The following SP7 variants were observed in gnomAD, a reference collection of about 807,000 sequenced individuals.
SP7 encodes Sp7 transcription factor, also known as transcription factor Sp7.
Under a neutral mutation model 27.9 loss-of-function variants are expected in SP7, and 13 were observed. The ratio of observed to expected loss-of-function variants is 0.47; its 90% CI spans 0.30 to 0.74. SP7 has a LOEUF of 0.74. Ranked by LOEUF, SP7 falls within the 30% of genes least tolerant of loss-of-function variation. SP7 has a pLI of 0.06. For synonymous variants in SP7, 219 were observed against 226.7 expected (o/e 0.97, Z 0.31); for missense variants, 525 against 558.0 (o/e 0.94, Z 0.60).
chr12:53,343,684 A>C (rs531430689), intron 1 of SP7, among the ~76,000 whole-genome samples: 18 of 152,284 alleles, frequency 1.2e-4, no homozygotes, highest in African/African-American at 3.6e-4. Context: ...AATCGGAGGC[A>C]AGGAAACAAT....
At chr12:53,333,421 A>G (rs1239766947) in intron 2 of SP7, among the ~76,000 whole-genome samples, 4 of 152,064 alleles carry the variant, frequency 2.6e-5, no homozygotes, top group East Asian at 1.9e-4. Context: ...GAGCTGTCCC[A>G]ACTCTCCCAC....
At chr12:53,342,100 T>G (rs1028051925) in intron 1 of SP7, among the ~76,000 whole-genome samples, 1 of 148,970 alleles carries the variant, frequency 6.7e-6, no homozygotes, top group Non-Finnish European at 1.5e-5. Flanking sequence ...CTGTCTCTAC[T>G]AAAAATACAA....
At chr12:53,335,563 T>G in intron 2 of SP7, 63 bp downstream of exon 2, 1 of 834,268 alleles carries the variant, frequency 1.2e-6, no homozygotes, top group Non-Finnish European at 2.0e-6. Flanking sequence ...AGGAGGTGGG[T>G]GGGCAAGGAC....
rs7139272 is a variant in SP7, at chr12:53,328,344, G to A, written c.1098C>T (p.Ser366=). ...TGCGCTGGTGTTTGCTCAGGTGGTC[G>A]CTTCGGGTAAAGCGCTTGGAGCAGA... ...CLLCSKRFTR[S]DHLSKHQRTH... Residue 366 remains serine, a synonymous_variant, in exon 3 of 3, where the codon AGC becomes AGT. Transcript: ENST00000536324. The surrounding 1 kb of genome is among the most constrained non-coding windows in gnomAD (Gnocchi z 5.1). 1,563,455 of 1,612,252 alleles carry A rather than the reference G, an allele frequency of 0.97. 760,994 individuals are homozygous for A. The highest frequency in any genetic ancestry group is 0.99 in the Non-Finnish European group (1,161,657 of 1,178,638).
upstream of SP7, among the ~76,000 whole-genome samples, chr12:53,336,664 G>A (rs1944775268): frequency 6.6e-6 from 1 of 152,100 alleles, no homozygotes; most frequent in South Asian, 2.1e-4. Context: ...AGCTGACCAT[G>A]GAGAGGCTTG....
chr12:53,344,402 C>T lies in SP7; in HGVS notation c.-34+712G>A, dbSNP rs564737437. 3.3e-5 allele frequency among the ~76,000 whole-genome samples: 5 copies of T among 152,236 alleles called. No homozygotes were observed. In the East Asian group the frequency reaches 9.6e-4, roughly 29 times the overall value. On this transcript the variant is annotated intron_variant, in intron 1 of 1. Transcript: ENST00000547755. This position sits in a 1 kb window ranked among gnomAD's most constrained non-coding sequence, Gnocchi z 4.6. ...TTCACCCATTTCTCCCTCTCCCCAC[C>T]TTCCATCACCTCCCCTACATAGGAA...
At chr12:53,338,253 G>A (rs1466146279), upstream of SP7, among the ~76,000 whole-genome samples, 1 of 152,192 alleles carries the variant, frequency 6.6e-6, no homozygotes, top group African/African-American at 2.4e-5. Flanking sequence ...GCCCGTGGTG[G>A]GGTGTCCCTG....
In SP7 at chr12:53,329,344, A is replaced by T. The variant is rs770292343; in HGVS notation, c.98T>A (p.Leu33Gln). The T allele has an allele frequency of 2.5e-6, 4 of 1,613,892 alleles. No homozygotes were observed. The South Asian group carries it at 3.3e-5, about 13-fold the overall frequency. ...ACSKFGGSSP[L>Q]RDSTTLGKAG... ...TTTGCCCAGAGTTGTTGAGTCCCGC[A>T]GAGGGCTAGAGCCACCAAATTTGCT... The change falls in exon 3 of 3, where the codon CTG (leucine) becomes CAG (glutamine). Residue 33 changes from leucine (L) to glutamine (Q), a missense_variant. Leu to Gln is a moderately radical substitution (Grantham distance 113, BLOSUM62 -2). Coordinates refer to ENST00000536324, the MANE Select transcript of SP7 (RefSeq NM_001173467.3).
At chr12:53,334,787 A>C (rs906443936) in intron 2 of SP7, among the ~76,000 whole-genome samples, 3 of 152,078 alleles carry the variant, frequency 2.0e-5, no homozygotes, top group Non-Finnish European at 4.4e-5. Context: ...AGAGTCAGAA[A>C]TTTCTCAAGA....
chr12:53,331,443 C>T (rs1420617100), intron 2 of SP7, among the ~76,000 whole-genome samples: 1 of 135,940 alleles, frequency 7.4e-6, no homozygotes, highest in Non-Finnish European at 1.5e-5. Flanking sequence ...TGCACTCCAG[C>T]CTAGGCTACA....
upstream of SP7, among the ~76,000 whole-genome samples, chr12:53,339,561 C>T (rs1944803960): frequency 6.6e-6 from 1 of 151,960 alleles, no homozygotes; most frequent in East Asian, 1.9e-4. Context: ...CCCGTCTCTA[C>T]TAAAAATACA....
At chr12:53,336,986 C>A (rs369330350), upstream of SP7, among the ~76,000 whole-genome samples, 1 of 152,124 alleles carries the variant, frequency 6.6e-6, no homozygotes, top group African/African-American at 2.4e-5. Context: ...TGGGGCAGAA[C>A]CTGGATCTTC....
At chr12:53,331,502 A>G (rs2136839981) in intron 2 of SP7, among the ~76,000 whole-genome samples, 1 of 148,758 alleles carries the variant, frequency 6.7e-6, no homozygotes, top group East Asian at 2.0e-4. Flanking sequence ...AGGCAAAGGT[A>G]TCTTCTTAAT....
At chr12:53,330,758 C>T (rs1267149039) in intron 2 of SP7, among the ~76,000 whole-genome samples, 1 of 152,214 alleles carries the variant, frequency 6.6e-6, no homozygotes, top group Admixed American at 6.5e-5. Flanking sequence ...CATTTCCTGT[C>T]GCTGCTTCAG....
intron 2 of SP7, among the ~76,000 whole-genome samples, chr12:53,330,031 G>A (rs1944686057): frequency 6.6e-6 from 1 of 151,828 alleles, no homozygotes; most frequent in African/African-American, 2.4e-5. Context: ...ACTGCGCCCG[G>A]CCTTTTCTTT....
At position 53,328,303 on chromosome 12, in the gene SP7, C is replaced by A. The variant is rs766661882; in HGVS notation, c.1139G>T (p.Gly380Val). ...GGGGCCACTGGGAGGGGGACCCGGG[C>A]CTGGTTCTCCATGGGTGCGCTGGTG... ...SKHQRTHGEP[G>V]PGPPPSGPKE... The change falls in exon 3 of 3, where the codon GGC (glycine) becomes GTC (valine). Residue 380 changes from glycine (G) to valine (V), a missense_variant. Gly to Val is a moderately radical substitution (Grantham distance 109). Transcript: ENST00000536324. The surrounding 1 kb of genome is among the most constrained non-coding windows in gnomAD (Gnocchi z 5.1). 1.2e-6 allele frequency: 2 copies of A among 1,610,494 alleles called. No homozygotes were observed. Among genetic ancestry groups the A allele is most frequent in the South Asian group, 1.1e-5 (1 of 90,496 alleles).
chr12:53,329,404 C>A lies in SP7; in HGVS notation c.38G>T (p.Gly13Val). The A allele has an allele frequency of 6.2e-7, 1 of 1,613,720 alleles. No homozygotes were observed. Among genetic ancestry groups the A allele is most frequent in the Non-Finnish European group, 8.5e-7 (1 of 1,179,756 alleles). The change falls in exon 3 of 3, where the codon GGC (glycine) becomes GTC (valine). Residue 13 changes from glycine to valine, a missense_variant. Coordinates refer to ENST00000536324, the MANE Select transcript of SP7 (RefSeq NM_001173467.3). ...SSLLEEEVHY[G>V]SSPLAMLTAA... ...CGTCAGCATGGCCAGGGGACTGGAG[C>A]CATAGTGAACTTCCTCCTGTGGAAA...
chr12:53,335,802 T>C (rs1185505909), intron 1 of SP7, 109 bp from the exon 2 acceptor site: 7 of 1,418,984 alleles, frequency 4.9e-6, no homozygotes, highest in Non-Finnish European at 6.4e-6. Flanking sequence ...GGGGGGCTGC[T>C]CTCTGTCTGT....
intron 2 of SP7, among the ~76,000 whole-genome samples, chr12:53,334,307 T>C (rs2136844053): frequency 6.7e-6 from 1 of 148,562 alleles, no homozygotes; most frequent in East Asian, 2.0e-4. Flanking sequence ...TCACTTGGAC[T>C]CACAGCACTC....
Sources: allele counts gnomAD v4.1 joint callset (sites outside exome capture counted in the v4.1 genomes callset), GRCh38; gene constraint gnomAD v4.1.1; non-coding constraint Gnocchi (gnomAD v3.1); transcripts MANE v1.5; gene names NCBI Gene and HGNC (gene_info 2026-07-23, HGNC 2026-07-21).